RPS29: variants seen among roughly 807,000 people sequenced by gnomAD.
RPS29 encodes small ribosomal subunit protein uS14.
For missense variants in RPS29, 60 were observed against 75.7 expected (o/e 0.79, Z 0.77); for synonymous variants, 37 against 26.9 (o/e 1.37, Z -1.16).
rs567752497 is a variant in RPS29 at position 49,585,415 on chromosome 14, T to C, written c.162+535A>G. 11 of 157,122 alleles carry C rather than the reference T, an allele frequency of 7.0e-5. No homozygotes were observed. The South Asian group carries it at 1.0e-3, about 15-fold the overall frequency. The allele number at this position is 157,122 out of a possible 1,614,324, so 9.7% of individuals were successfully genotyped here. On this transcript the variant is annotated intron_variant, in intron 2 of 2. Transcript: ENST00000245458. ...TCAGCGGTTAATACATATATTTGGT[T>C]AGAAAATATCTAGGTACAGCCGCGC...
chr14:49,578,762 T>C (rs1881257760), downstream of RPS29, among the ~76,000 whole-genome samples: 1 of 152,102 alleles, frequency 6.6e-6, no homozygotes, highest in Admixed American at 6.6e-5. Flanking sequence ...GGTTTCACCA[T>C]GTTGACCAGG....
intron 1 of RPS29, chr14:49,592,091 T>A (rs1379074514): frequency 6.6e-6 from 1 of 152,188 alleles, no homozygotes; most frequent in Non-Finnish European, 1.5e-5. Context: ...TATTTATAAA[T>A]ACTTATGTAT....
At chr14:49,598,536 C>A (rs1450756809) in exon 1 of RPS29, 1 of 702,354 alleles carries the variant, frequency 1.4e-6, no homozygotes. Context: ...CCGGGAAATG[C>A]GCCCTCGCTG....
chr14:49,574,944 A>G (rs1881139922), exon 3 of RPS29: 1 of 152,340 alleles, frequency 6.6e-6, no homozygotes, highest in African/African-American at 2.4e-5. Flanking sequence ...AACAGGGTCC[A>G]TTTGAGGTCC....
intron 1 of RPS29, chr14:49,598,336 T>C (rs1881884037): frequency 3.2e-6 from 2 of 627,130 alleles, no homozygotes. Context: ...GAAGGCCTTG[T>C]GCGGTCTGGA....
chr14:49,578,559 C>CTTTTTTTTTTTTTTTTT (rs60555753), intron 2 of RPS29, among the ~76,000 whole-genome samples: 1 of 103,466 alleles, frequency 9.7e-6, no homozygotes. Context: ...AAAGCTTTCA[C>CTTTTTTTTTTTTTTTTT]TTTTTTTTTT....
downstream of RPS29, among the ~76,000 whole-genome samples, chr14:49,580,511 G>C (rs1003733641): frequency 1.3e-5 from 2 of 152,138 alleles, no homozygotes; most frequent in African/African-American, 4.8e-5. Flanking sequence ...TTAAACTCCA[G>C]TATCCCTAAC....
chr14:49,576,074 C>T (rs1881171158), exon 3 of RPS29: 1 of 151,754 alleles, frequency 6.6e-6, no homozygotes, highest in South Asian at 2.1e-4. Flanking sequence ...ACAAACTGAG[C>T]CTTTTATGTT....
chr14:49,578,385 C>T (rs1881243347), intron 2 of RPS29, among the ~76,000 whole-genome samples: 1 of 152,094 alleles, frequency 6.6e-6, no homozygotes, highest in South Asian at 2.1e-4. Flanking sequence ...TCATAAATCA[C>T]ATCACCCAAA....
At chr14:49,597,595 G>A (rs1167400814) in intron 1 of RPS29, 4 of 152,008 alleles carry the variant, frequency 2.6e-5, no homozygotes, top group Non-Finnish European at 1.5e-5. Context: ...CTTAAATGCT[G>A]AGTCGCGTTT....
At chr14:49,581,747 G>A (rs753210588), downstream of RPS29, among the ~76,000 whole-genome samples, 5 of 152,056 alleles carry the variant, frequency 3.3e-5, no homozygotes, top group Non-Finnish European at 7.4e-5. Flanking sequence ...CCCACAGTAA[G>A]GCTGGCTGTA....
At chr14:49,571,538 A>G (rs1373827409) in exon 3 of RPS29, 1 of 152,226 alleles carries the variant, frequency 6.6e-6, no homozygotes, top group Admixed American at 6.5e-5. Flanking sequence ...ACCAGCGAGA[A>G]CAACCATGTG....
intron 2 of RPS29, among the ~76,000 whole-genome samples, chr14:49,584,700 G>T (rs1202872621): frequency 2.7e-5 from 2 of 75,126 alleles, no homozygotes; most frequent in Non-Finnish European, 6.7e-5. Context: ...GGAGGGGGAG[G>T]CTAGTGAGCT....
intron 2 of RPS29, among the ~76,000 whole-genome samples, chr14:49,585,127 T>C (rs1442126764): frequency 6.6e-6 from 1 of 152,094 alleles, no homozygotes; most frequent in Non-Finnish European, 1.5e-5. Context: ...CTCAGCACTT[T>C]GGGAGGCCGA....
At chr14:49,596,477 G>A (rs1881824334) in intron 1 of RPS29, among the ~76,000 whole-genome samples, 1 of 152,000 alleles carries the variant, frequency 6.6e-6, no homozygotes, top group Non-Finnish European at 1.5e-5. Context: ...AAAACTTTAG[G>A]TGTACTCTAG....
intron 2 of RPS29, 118 bp downstream of exon 2, chr14:49,585,832 G>C: frequency 1.4e-6 from 1 of 738,522 alleles, no homozygotes; most frequent in South Asian, 1.7e-5. Context: ...AAAAGCTCTT[G>C]GTCGAATGCT....
chr14:49,576,605 G>C (rs1881187405), exon 3 of RPS29: 1 of 152,184 alleles, frequency 6.6e-6, no homozygotes, highest in Non-Finnish European at 1.5e-5. Context: ...TTGAAGGCCA[G>C]GCACAGTGGC....
intron 1 of RPS29, among the ~76,000 whole-genome samples, chr14:49,596,914 T>C (rs1881838309): frequency 6.8e-6 from 1 of 146,360 alleles, no homozygotes. Flanking sequence ...AATTTTTTCT[T>C]CTTCTTTTTT....
At chr14:49,587,667 G>C (rs1475476739), upstream of RPS29, among the ~76,000 whole-genome samples, 2 of 152,206 alleles carry the variant, frequency 1.3e-5, no homozygotes, top group Non-Finnish European at 2.9e-5. Flanking sequence ...TGGGAAACAG[G>C]ATTATCTCCA....
Sources: allele counts gnomAD v4.1 joint callset (sites outside exome capture counted in the v4.1 genomes callset), GRCh38; gene constraint gnomAD v4.1.1; transcripts MANE v1.5; gene names NCBI Gene and HGNC (gene_info 2026-07-23, HGNC 2026-07-21).